The following MMP17 variants were observed in gnomAD, a reference collection of about 807,000 sequenced individuals.
MMP17 encodes the protein matrix metalloproteinase-17.
MMP17 carries 54 observed loss-of-function variants against 49.1 expected under a neutral mutation model. The ratio of observed to expected loss-of-function variants is 1.10; its 90% CI spans 0.88 to 1.38. MMP17 has a LOEUF of 1.38. MMP17 is among the 40% of genes most tolerant of loss of function. MMP17 has a pLI of 0.00. For missense variants in MMP17, 837 were observed against 853.7 expected (o/e 0.98, Z 0.24); for synonymous variants, 397 against 383.1 (o/e 1.04, Z -0.42).
At chr12:131,850,298 T>C (rs1461212339) in intron 9 of MMP17, among the ~76,000 whole-genome samples, 1 of 151,958 alleles carries the variant, frequency 6.6e-6, no homozygotes. Flanking sequence ...CCCTCGCCCC[T>C]GCTGCTCCCC....
In MMP17 at chr12:131,841,758, G is replaced by A. The variant is rs150671569; in HGVS notation, c.841G>A (p.Gly281Arg). ...CCCGGTGGGTGACCCGCTGCGCTACGGGCTCCCCTACGAGGACAAGGTGCG... is the reference window on the plus strand; with the variant it reads ...CCCGGTGGGTGACCCGCTGCGCTACAGGCTCCCCTACGAGGACAAGGTGCG... The part of the protein sequence containing the change: ...QGPVGDPLRY[G>R]LPYEDKVRVW... Residue 281 changes from glycine (G) to arginine (R), a missense_variant, in exon 5 of 10, where the codon GGG becomes AGG. Physicochemically the swap from Gly to Arg is moderately radical, Grantham distance 125. Transcript: ENST00000360564. The A allele has an allele frequency of 3.9e-5, 63 of 1,611,924 alleles. No individual in the cohort carries two copies. Among genetic ancestry groups the A allele is most frequent in the Admixed American group, 3.2e-4 (19 of 59,864 alleles).
chr12:131,840,764 G>T lies in MMP17; in HGVS notation c.614G>T (p.Gly205Val). 6.2e-7 allele frequency: 1 copy of T among 1,604,580 alleles called. No individual in the cohort carries two copies. The change falls in exon 4 of 10, where the codon GGC (glycine) becomes GTC (valine). Residue 205 changes from glycine (G) to valine (V), a missense_variant. Coordinates refer to ENST00000360564, the MANE Select transcript of MMP17 (RefSeq NM_016155.7). The part of the protein sequence containing the change: ...NDGYPFDGPG[G>V]TVAHAFFPGH... ...GGCTACCCCTTCGACGGCCCCGGCG[G>T]CACCGTGGCCCACGCCTTCTTCCCC...
rs535681425 is a variant in MMP17 at position 131,849,674 on chromosome 12, G to T, written c.1205-128G>T. On this transcript the variant is annotated intron_variant, in intron 8 of 9. Coordinates refer to ENST00000360564, the MANE Select transcript of MMP17 (RefSeq NM_016155.7). ...GATGTGGGGTGATTGCAGTGTGGCCGCTGTCCCATCAAGCCCAGGTGAGGG... is the reference window on the plus strand; with the variant it reads ...GATGTGGGGTGATTGCAGTGTGGCCTCTGTCCCATCAAGCCCAGGTGAGGG... 24 of 1,022,262 alleles carry T rather than the reference G, an allele frequency of 2.3e-5. No individual in the cohort carries two copies. In the African/African-American group the frequency reaches 3.2e-4, roughly 14 times the overall value. 63.3% of individuals were successfully genotyped at this position (1,022,262 alleles called of 1,614,324 possible).
intron 2 of MMP17, 123 bp downstream of exon 2, chr12:131,838,450 G>A: frequency 1.4e-6 from 2 of 1,461,498 alleles, no homozygotes; most frequent in Non-Finnish European, 1.8e-6. Flanking sequence ...TCCTGGCCTG[G>A]TGTAGCTCAG....
Position 131,838,257 on chromosome 12 carries a change from G to T in MMP17, c.222G>T (p.Thr74=). ...ACCCCACAACAGGGCAGCTGCAGAC[G>T]CAAGAGGAGCTGTCTAAGGCCATCA... ...PADPTTGQLQ[T]QEELSKAITA... is the part of the protein sequence containing the mutation. Residue 74 remains threonine, a synonymous_variant, in exon 2 of 10, where the codon ACG becomes ACT. Transcript: ENST00000360564. 2 of 1,613,272 alleles carry T rather than the reference G, an allele frequency of 1.2e-6. No individual in the cohort carries two copies. Among genetic ancestry groups the T allele is most frequent in the Admixed American group, 1.7e-5 (1 of 60,022 alleles).
intron 3 of MMP17, among the ~76,000 whole-genome samples, chr12:131,839,735 G>T (rs552705938): frequency 6.6e-6 from 1 of 152,282 alleles, no homozygotes; most frequent in South Asian, 2.1e-4. Context: ...ATCATTTGAG[G>T]TCAGGAGTTC....
chr12:131,834,547 C>T (rs550170962), intron 1 of MMP17, among the ~76,000 whole-genome samples: 139 of 152,164 alleles, frequency 9.1e-4, no homozygotes, highest in Non-Finnish European at 1.4e-3. Flanking sequence ...ACACCTGGAG[C>T]GGGGAGTCTG....
In MMP17 at chr12:131,846,523, C is replaced by T. The variant is rs929929002; in HGVS notation, c.1204+1074C>T. Among the ~76,000 whole-genome samples, 1 of 151,972 alleles carries T rather than the reference C, an allele frequency of 6.6e-6. No homozygotes were observed. Among genetic ancestry groups the T allele is most frequent in the Non-Finnish European group, 1.5e-5 (1 of 67,988 alleles). ...CTAGTAGCTGGGATTACAAGGTGCC[C>T]GCCACCACTCCTGGCTAATTTTTGT... On this transcript the variant is annotated intron_variant, in intron 8 of 9. Coordinates refer to ENST00000360564, the MANE Select transcript of MMP17 (RefSeq NM_016155.7). This position sits in a 1 kb window ranked among gnomAD's most constrained non-coding sequence, Gnocchi z 4.6.
intron 1 of MMP17, among the ~76,000 whole-genome samples, chr12:131,836,129 C>G (rs1450857200): frequency 6.6e-6 from 1 of 152,196 alleles, no homozygotes; most frequent in Non-Finnish European, 1.5e-5. Context: ...TCTGTACACA[C>G]TCTTGGCTTC....
chr12:131,841,753 G>T lies in MMP17; in HGVS notation c.836G>T (p.Arg279Leu), dbSNP rs35466884. ...YYQGPVGDPL[R>L]YGLPYEDKVR... is the part of the protein sequence containing the mutation. ...CAGGGCCCGGTGGGTGACCCGCTGCGCTACGGGCTCCCCTACGAGGACAAG... is the reference window on the plus strand; with the variant it reads ...CAGGGCCCGGTGGGTGACCCGCTGCTCTACGGGCTCCCCTACGAGGACAAG... The change falls in exon 5 of 10, where the codon CGC becomes CTC. Residue 279 changes from arginine (R) to leucine (L), a missense_variant. Physicochemically the swap from Arg to Leu is moderately radical, Grantham distance 102. Transcript: ENST00000360564. 2 of 1,611,960 alleles carry T rather than the reference G, an allele frequency of 1.2e-6. No individual in the cohort carries two copies. The highest frequency in any genetic ancestry group is 1.7e-6 in the Non-Finnish European group (2 of 1,179,322).
At chr12:131,839,156 C>T (rs1316513904) in intron 3 of MMP17, among the ~76,000 whole-genome samples, 2 of 152,158 alleles carry the variant, frequency 1.3e-5, no homozygotes, top group Non-Finnish European at 2.9e-5. Flanking sequence ...TGTGCAGTTG[C>T]TGGCAGCCCT....
chr12:131,829,012 G>A (rs1459501021), intron 1 of MMP17, among the ~76,000 whole-genome samples: 3 of 152,176 alleles, frequency 2.0e-5, no homozygotes, highest in African/African-American at 7.2e-5. Flanking sequence ...CATCGCGGCC[G>A]CCCCGAGCTC....
In MMP17 at chr12:131,851,048, A is replaced by G. The variant is rs1593241350; in HGVS notation, c.1586A>G (p.Asp529Gly). The change falls in exon 10 of 10, where the codon GAT becomes GGT. Residue 529 changes from aspartate (D) to glycine (G), a missense_variant. Transcript: ENST00000360564. ...DWLVCGDSQA[D>G]GSVAAGVDAA... ...CTGGTGTGTGGAGACTCACAGGCCG[A>G]TGGATCTGTGGCTGCGGGCGTGGAC... 2 of 1,608,746 alleles carry G rather than the reference A, an allele frequency of 1.2e-6. No individual in the cohort carries two copies. The highest frequency in any genetic ancestry group is 1.1e-5 in the South Asian group (1 of 90,442).
rs763341332 is a variant in MMP17, at chr12:131,840,847, C to T, written c.697C>T (p.Arg233Cys). 12 of 1,599,184 alleles carry T rather than the reference C, an allele frequency of 7.5e-6. No individual in the cohort carries two copies. The South Asian group carries it at 7.7e-5, about 10-fold the overall frequency. ...TGACGATGACGAGGCCTGGACCTTC[C>T]GCTCCTCGGGTGCGTCTGGGGCAGC... is the stretch of plus-strand genomic sequence containing the variant. ...HFDDDEAWTF[R>C]SSDAHGMDLF... Residue 233 changes from arginine to cysteine, a missense_variant, in exon 4 of 10, where the codon CGC becomes TGC. Transcript: ENST00000360564.
intron 1 of MMP17, among the ~76,000 whole-genome samples, chr12:131,837,628 C>T (rs1243436669): frequency 1.3e-5 from 2 of 152,218 alleles, no homozygotes; most frequent in African/African-American, 2.4e-5. Context: ...TCTCAGGAGG[C>T]GTGGGGTGGG....
Position 131,849,925 on chromosome 12 carries a change from CTTAT to C in MMP17, c.1331_1334del (p.Tyr444SerfsTer157). The C allele has an allele frequency of 6.2e-7, 1 of 1,614,064 alleles. No individual in the cohort carries two copies. The highest frequency in any genetic ancestry group is 8.5e-7 in the Non-Finnish European group (1 of 1,180,014). ...TTCTCCTGGGCCCACAATGACAGGACTTATTTCTTTAAGGACCAGCTGTACTGGC... is the reference window on the plus strand; with the variant it reads ...TTCTCCTGGGCCCACAATGACAGGACTTCTTTAAGGACCAGCTGTACTGGC... On this transcript the variant is annotated frameshift_variant, in exon 9 of 10. Transcript: ENST00000360564. LOFTEE classifies it high-confidence loss of function.
chr12:131,846,286 A>G lies in MMP17; in HGVS notation c.1204+837A>G, dbSNP rs1887699491. 6.6e-6 allele frequency among the ~76,000 whole-genome samples: 1 copy of G among 151,942 alleles called. No individual in the cohort carries two copies. The highest frequency in any genetic ancestry group is 1.5e-5 in the Non-Finnish European group (1 of 67,982). On this transcript the variant is annotated intron_variant, in intron 8 of 9. Transcript: ENST00000360564. This position sits in a 1 kb window ranked among gnomAD's most constrained non-coding sequence, Gnocchi z 4.6. ...CCCTCCTGCCACCGCCTCTGTCTCC[A>G]CCCGGCCGTCTCCTCCCCCATCTCC...
intron 9 of MMP17, among the ~76,000 whole-genome samples, chr12:131,850,417 G>A (rs1231843112): frequency 4.6e-5 from 7 of 152,134 alleles, no homozygotes; most frequent in South Asian, 2.1e-4. Context: ...CCTGCCAAAC[G>A]CCCTCCTGGG....
In MMP17 at chr12:131,841,510, C is replaced by T. The variant is rs780524176; in HGVS notation, c.707-114C>T. 101 of 1,103,370 alleles carry T rather than the reference C, an allele frequency of 9.2e-5. 1 individual carries two copies. Among genetic ancestry groups the T allele is most frequent in the South Asian group, 1.2e-4 (9 of 72,306 alleles). The allele number at this position is 1,103,370 out of a possible 1,614,324, so 68.3% of individuals were successfully genotyped here. A position where few individuals can be genotyped will look rare whatever the true frequency, so the allele number is the denominator to read the frequency against. ...CCCTGCAGAATCCCTCTGGCGCAGC[C>T]GGCATCGAGGCATCCCCATGGTCAC... On this transcript the variant is annotated intron_variant, in intron 4 of 9. Coordinates refer to ENST00000360564, the MANE Select transcript of MMP17 (RefSeq NM_016155.7).
Sources: allele counts gnomAD v4.1 joint callset (sites outside exome capture counted in the v4.1 genomes callset), GRCh38; gene constraint gnomAD v4.1.1; non-coding constraint Gnocchi (gnomAD v3.1); transcripts MANE v1.5; gene names NCBI Gene and HGNC (gene_info 2026-07-23, HGNC 2026-07-21).